ITGB5: variants seen among roughly 807,000 people sequenced by gnomAD.
ITGB5 encodes the protein integrin beta-5.
In ITGB5, 38 loss-of-function variants were observed where a neutral mutation model predicts 84.8. The observed-to-expected ratio is 0.45, with a 90% CI of 0.35 to 0.59. The LOEUF is 0.59. Among genes scored for constraint, ITGB5 ranks in the 20% least tolerant of loss-of-function variants. The probability of loss-of-function intolerance (pLI) is 0.01; values close to 1 mark genes in which losing one functional copy is unlikely to be tolerated. For synonymous variants in ITGB5, 393 were observed against 414.4 expected, an observed-to-expected ratio of 0.95 and a Z score of 0.63; for missense variants, 905 against 1,034.5, an observed-to-expected ratio of 0.87 and a Z score of 1.72.
intron 4 of ITGB5, among the ~76,000 whole-genome samples, chr3:124,845,328 G>A (rs1308575399): frequency 6.6e-6 from 1 of 152,216 alleles, no homozygotes; most frequent in East Asian, 1.9e-4. Flanking sequence ...CAGCTACTCA[G>A]GAGGCTGAGG....
chr3:124,821,583 C>G, intron 5 of ITGB5, 109 bp from the exon 6 acceptor site: 1 of 1,210,380 alleles, frequency 8.3e-7, no homozygotes, highest in Non-Finnish European at 1.2e-6. Flanking sequence ...CAGAGGCATT[C>G]CCCTTGCCAT....
chr3:124,775,354 ATGTGTGTGAGTGCGAGCATC>A (rs887423592), intron 10 of ITGB5, among the ~76,000 whole-genome samples: 1 of 150,286 alleles, frequency 6.7e-6, no homozygotes, highest in Non-Finnish European at 1.5e-5. Flanking sequence ...GTGAGGGAGG[ATGTGTGTGAGTGCGAGCATC>A]TGTGTGTGTT....
chr3:124,823,653 C>T (rs1207614494), intron 5 of ITGB5, among the ~76,000 whole-genome samples: 1 of 148,676 alleles, frequency 6.7e-6, no homozygotes, highest in Non-Finnish European at 1.5e-5. Context: ...TATATATAAA[C>T]TATATATATA....
At chr3:124,787,909 CTT>C (rs35730935) in intron 10 of ITGB5, among the ~76,000 whole-genome samples, 47 of 137,544 alleles carry the variant, frequency 3.4e-4, no homozygotes, top group Non-Finnish European at 3.0e-4. Flanking sequence ...ACAGATAGCT[CTT>C]TTTTTTTTTT....
chr3:124,827,978 C>G (rs558488494), intron 5 of ITGB5, among the ~76,000 whole-genome samples: 1 of 149,962 alleles, frequency 6.7e-6, no homozygotes, highest in Non-Finnish European at 1.5e-5. Flanking sequence ...TAAAACAGCA[C>G]CCCCCCAACG....
chr3:124,861,188 GT>G (rs529330503), intron 2 of ITGB5, among the ~76,000 whole-genome samples: 5 of 150,944 alleles, frequency 3.3e-5, no homozygotes, highest in Non-Finnish European at 5.9e-5. Context: ...ATTCTGGGTT[GT>G]TTTTTTTTAA....
At chr3:124,885,193 C>G (rs541433188) in intron 1 of ITGB5, among the ~76,000 whole-genome samples, 1 of 152,178 alleles carries the variant, frequency 6.6e-6, no homozygotes, top group East Asian at 1.9e-4. Context: ...TTGCTTGAAC[C>G]TGGGAGGTGG....
chr3:124,815,252 G>T (rs1211039112), intron 8 of ITGB5, among the ~76,000 whole-genome samples: 1 of 152,176 alleles, frequency 6.6e-6, no homozygotes, highest in Non-Finnish European at 1.5e-5. Context: ...CTGCTGCAAG[G>T]CTGCCCAGCC....
chr3:124,775,117 G>A (rs543525612), intron 10 of ITGB5, among the ~76,000 whole-genome samples: 197 of 152,348 alleles, frequency 1.3e-3, no homozygotes, highest in Non-Finnish European at 2.3e-3. Context: ...CCTCTCCATC[G>A]CCTGCAAGGG....
intron 3 of ITGB5, among the ~76,000 whole-genome samples, chr3:124,856,957 G>T (rs1488513709): frequency 6.6e-6 from 1 of 152,084 alleles, no homozygotes; most frequent in Non-Finnish European, 1.5e-5. Flanking sequence ...AAACAAAAAG[G>T]CTGAGTGTTG....
chr3:124,801,851 A>T (rs1208085472), intron 9 of ITGB5, among the ~76,000 whole-genome samples: 1 of 152,070 alleles, frequency 6.6e-6, no homozygotes, highest in Non-Finnish European at 1.5e-5. Flanking sequence ...CTCCCTCCCC[A>T]GCCCACTCCT....
intron 10 of ITGB5, among the ~76,000 whole-genome samples, chr3:124,786,794 G>T (rs2064087913): frequency 6.6e-6 from 1 of 152,178 alleles, no homozygotes; most frequent in Admixed American, 6.5e-5. Context: ...CTCACCAGAG[G>T]CACTGAGCAG....
chr3:124,872,844 C>T (rs892731204), intron 2 of ITGB5, among the ~76,000 whole-genome samples: 3 of 152,096 alleles, frequency 2.0e-5, no homozygotes, highest in Admixed American at 2.0e-4. Context: ...TGAGCTCAAG[C>T]CTCAAGCAAT....
chr3:124,836,134 C>T (rs976817668), intron 5 of ITGB5, among the ~76,000 whole-genome samples: 5 of 151,594 alleles, frequency 3.3e-5, no homozygotes, highest in African/African-American at 9.7e-5. Flanking sequence ...TGGAGGCAGC[C>T]GATAACAGAA....
chr3:124,773,748 C>A lies in ITGB5; in HGVS notation c.1858G>T (p.Ala620Ser). 6.2e-7 allele frequency: 1 copy of A among 1,612,828 alleles called. No individual in the cohort carries two copies. The highest frequency in any genetic ancestry group is 8.5e-7 in the Non-Finnish European group (1 of 1,180,016). ...CACTTCTCACACATCTCCCCAAAGG[C>A]CCCCGGCTCCGTGCATTGGCACTGC... ...CGQCQCTEPG[A>S]FGEMCEKCPT... is the part of the protein sequence containing the mutation. The change falls in exon 11 of 15, where the codon GCC becomes TCC. Residue 620 changes from alanine (A) to serine (S), a missense_variant. By Grantham distance (99) the Ala-to-Ser change is moderately conservative. Around this residue, in one of 3 missense-constraint regions of ITGB5, gnomAD observed 116 missense variants for 177.0 expected, o/e 0.66. Transcript: ENST00000296181.
At chr3:124,890,919 C>T (rs1035864306), upstream of ITGB5, among the ~76,000 whole-genome samples, 10 of 151,958 alleles carry the variant, frequency 6.6e-5, no homozygotes, top group African/African-American at 2.2e-4. Flanking sequence ...CCTTCAAATG[C>T]TTTGACTTTC....
chr3:124,803,512 CAAATACA>C (rs2064347745), intron 9 of ITGB5, among the ~76,000 whole-genome samples: 3 of 152,202 alleles, frequency 2.0e-5, no homozygotes. Flanking sequence ...TCCATGCAAA[CAAATACA>C]ATTTGCTCTG....
At position 124,855,227 on chromosome 3, in the gene ITGB5, C is replaced by T. The variant is rs546790787; in HGVS notation, c.361+4015G>A. Among the ~76,000 whole-genome samples the T allele has an allele frequency of 5.9e-5, 9 of 152,176 alleles. No individual in the cohort carries two copies. The East Asian group carries it at 1.4e-3, about 23-fold the overall frequency. On this transcript the variant is annotated intron_variant, in intron 3 of 14. Transcript: ENST00000296181. Reference sequence around the variant, plus strand: ...ACTCAGAAGGCTAAGGCATAAGAATCGCTTGAACCTGGAGGCTGCAGTTAG... The same window carrying T: ...ACTCAGAAGGCTAAGGCATAAGAATTGCTTGAACCTGGAGGCTGCAGTTAG...
upstream of ITGB5, among the ~76,000 whole-genome samples, chr3:124,890,701 C>T (rs1368860331): frequency 6.6e-6 from 1 of 152,080 alleles, no homozygotes; most frequent in Non-Finnish European, 1.5e-5. Flanking sequence ...TTCTTACTAG[C>T]CCCCCTCCTA....
Sources: gnomAD v4.1 joint callset for allele counts (sites outside exome capture counted in the v4.1 genomes callset) on GRCh38, gnomAD v4.1.1 for gene constraint, gnomAD v4.1.1 regional missense constraint, MANE v1.5 for transcripts, NCBI Gene and HGNC (gene_info 2026-07-23, HGNC 2026-07-21) for gene names.